RAB4A: variants seen among roughly 807,000 people sequenced by gnomAD.
The protein encoded by RAB4A is RAB4A, member RAS oncogene family.
Under a neutral mutation model 34.5 loss-of-function variants are expected in RAB4A, and 20 were observed. The observed-to-expected ratio is 0.58, with a 90% CI of 0.41 to 0.84. RAB4A has a LOEUF of 0.84. RAB4A is among the 40% of genes least tolerant of loss of function. RAB4A has a pLI of 0.00. For synonymous variants in RAB4A, 102 were observed against 100.0 expected (o/e 1.02, Z -0.12); for missense variants, 228 against 274.5 (o/e 0.83, Z 1.20).
At chr1:229,281,732 A>G (rs572098862) in intron 1 of RAB4A, among the ~76,000 whole-genome samples, 46 of 151,250 alleles carry the variant, frequency 3.0e-4, no homozygotes, top group South Asian at 2.5e-3. Flanking sequence ...TGATTTACCA[A>G]GAGTGCTGTG....
chr1:229,290,523 C>G (rs1226455854), intron 3 of RAB4A, among the ~76,000 whole-genome samples: 1 of 152,150 alleles, frequency 6.6e-6, no homozygotes, highest in Admixed American at 6.5e-5. Flanking sequence ...GTGAAACCCT[C>G]CAAGCCCACC....
At chr1:229,279,460 A>G (rs1656727086) in intron 1 of RAB4A, among the ~76,000 whole-genome samples, 1 of 152,200 alleles carries the variant, frequency 6.6e-6, no homozygotes, top group Non-Finnish European at 1.5e-5. Context: ...CTACTTTAGT[A>G]TATACCTTTG....
chr1:229,297,142 A>G (rs766903401), intron 4 of RAB4A, among the ~76,000 whole-genome samples: 11 of 152,278 alleles, frequency 7.2e-5, no homozygotes, highest in Non-Finnish European at 1.5e-4. Context: ...GCAATTAGCT[A>G]TGAAATCTTG....
rs1558242144 is a variant in RAB4A, at chr1:229,302,274, TATATATATATATATATATATATA to T, written c.542-587_542-565del. Among the ~76,000 whole-genome samples the T allele has an allele frequency of 4.5e-3, 66 of 14,702 alleles. 2 individuals carry two copies. The highest frequency in any genetic ancestry group is 0.016 in the African/African-American group (57 of 3,538). The allele number at this position is 14,702 out of a possible 152,430, so 9.6% of individuals were successfully genotyped here. A position where few individuals can be genotyped will look rare whatever the true frequency, so the allele number is the denominator to read the frequency against. ...GTAAATAATTATATATATATATATATATATATATATATATATATATATATATATATATATATTTTTTTTTTTTT... is the reference window on the plus strand; with the variant it reads ...GTAAATAATTATATATATATATATATTATATATATATATTTTTTTTTTTTT... On this transcript the variant is annotated intron_variant, in intron 6 of 7. Transcript: ENST00000366690.
At chr1:229,280,377 T>C (rs758045423) in intron 1 of RAB4A, among the ~76,000 whole-genome samples, 57 of 152,362 alleles carry the variant, frequency 3.7e-4, no homozygotes, top group Non-Finnish European at 6.6e-4. Flanking sequence ...CTTATAGTTT[T>C]ATCTGCGTTA....
intron 6 of RAB4A, among the ~76,000 whole-genome samples, chr1:229,299,719 A>G (rs1326653325): frequency 6.6e-6 from 1 of 152,244 alleles, no homozygotes; most frequent in African/African-American, 2.4e-5. Context: ...CCTATTTGTC[A>G]GATGCTGGGA....
chr1:229,281,076 C>G (rs1190984396), intron 1 of RAB4A, among the ~76,000 whole-genome samples: 1 of 152,170 alleles, frequency 6.6e-6, no homozygotes, highest in Non-Finnish European at 1.5e-5. Context: ...ACCAATACAA[C>G]TGCCATAAAC....
intron 2 of RAB4A, among the ~76,000 whole-genome samples, chr1:229,288,216 GT>G (rs1205592318): frequency 6.6e-6 from 1 of 152,018 alleles, no homozygotes; most frequent in Non-Finnish European, 1.5e-5. Context: ...TTTGGAGGGT[GT>G]TTTTTCTTTG....
intron 1 of RAB4A, among the ~76,000 whole-genome samples, chr1:229,278,545 A>C (rs2102835619): frequency 6.6e-6 from 1 of 152,282 alleles, no homozygotes. Flanking sequence ...CCTCATCCTT[A>C]ACCCTTTCCA....
In RAB4A at chr1:229,271,130, CGGCCGGACGGAG is replaced by C; in HGVS notation, c.-207_-196del. 1 of 380,560 alleles carries C rather than the reference CGGCCGGACGGAG, an allele frequency of 2.6e-6. No homozygotes were observed. 23.6% of individuals were successfully genotyped at this position (380,560 alleles called of 1,614,324 possible). On this transcript the variant is annotated 5_prime_UTR_variant, in exon 1 of 8. Coordinates refer to ENST00000366690, the MANE Select transcript of RAB4A (RefSeq NM_004578.4). Reference sequence around the variant, plus strand: ...CATCTCCTCTTCCTCCTCGCGGTCGCGGCCGGACGGAGGGTGGAGGGCCCTGCGCCTGCGCGG... The same window carrying C: ...CATCTCCTCTTCCTCCTCGCGGTCGCGGTGGAGGGCCCTGCGCCTGCGCGG...
At chr1:229,291,063 T>C (rs557352832) in intron 3 of RAB4A, among the ~76,000 whole-genome samples, 1 of 152,112 alleles carries the variant, frequency 6.6e-6, no homozygotes, top group Non-Finnish European at 1.5e-5. Context: ...CAGCCACATA[T>C]AAAGTGTGAA....
At chr1:229,297,852 TGTA>T (rs1360184019) in intron 5 of RAB4A, among the ~76,000 whole-genome samples, 3 of 152,238 alleles carry the variant, frequency 2.0e-5, no homozygotes, top group African/African-American at 7.2e-5. Context: ...TAAAAGCAAA[TGTA>T]GTAACATTAT....
intron 5 of RAB4A, among the ~76,000 whole-genome samples, chr1:229,298,767 G>A (rs1226119870): frequency 2.6e-5 from 4 of 152,220 alleles, no homozygotes; most frequent in Non-Finnish European, 5.9e-5. Flanking sequence ...GCACAAGATA[G>A]CAGTTACTTT....
At position 229,297,554 on chromosome 1, in the gene RAB4A, C is replaced by G; in HGVS notation, c.363C>G (p.Ile121Met). 6.2e-7 allele frequency: 1 copy of G among 1,613,250 alleles called. No individual in the cohort carries two copies. The highest frequency in any genetic ancestry group is 8.5e-7 in the Non-Finnish European group (1 of 1,179,932). The change falls in exon 5 of 8, where the codon ATC becomes ATG. Residue 121 changes from isoleucine to methionine, a missense_variant. Physicochemically the swap from Ile to Met is conservative, Grantham distance 10 (BLOSUM62 1). Transcript: ENST00000366690. The stretch of plus-strand genomic sequence containing the variant: ...TGCTAGCGAGCCAGAACATTGTGAT[C>G]ATCCTTTGTGGAAACAAGAAGGACC... ...ARMLASQNIV[I>M]ILCGNKKDLD...
chr1:229,275,356 G>A (rs913460700), intron 1 of RAB4A, among the ~76,000 whole-genome samples: 1 of 152,160 alleles, frequency 6.6e-6, no homozygotes, highest in African/African-American at 2.4e-5. Flanking sequence ...GAGAGGCAAG[G>A]AGGGATCCTT....
chr1:229,278,374 A>G (rs1656701751), intron 1 of RAB4A, among the ~76,000 whole-genome samples: 1 of 152,136 alleles, frequency 6.6e-6, no homozygotes, highest in South Asian at 2.1e-4. Context: ...CCAGCTGGGT[A>G]CTCAGTAATA....
intron 3 of RAB4A, among the ~76,000 whole-genome samples, chr1:229,294,656 A>G (rs1423565452): frequency 6.6e-6 from 1 of 152,188 alleles, no homozygotes; most frequent in Non-Finnish European, 1.5e-5. Context: ...CCTGGCTAAC[A>G]TGGGGAAACC....
At chr1:229,279,948 CACTT>C (rs1571823122) in intron 1 of RAB4A, among the ~76,000 whole-genome samples, 1 of 152,194 alleles carries the variant, frequency 6.6e-6, no homozygotes, top group Non-Finnish European at 1.5e-5. Flanking sequence ...AACCAGTTGA[CACTT>C]AGTTATATAA....
chr1:229,305,277 T>G lies in RAB4A; in HGVS notation c.*1484T>G, dbSNP rs1362666300. ...CTTCTTAGACCTCACTGTAAGAATA[T>G]TTTATTCAATGTCTCATTTATGATA... On this transcript the variant is annotated 3_prime_UTR_variant, in exon 8 of 8. Coordinates refer to ENST00000366690, the MANE Select transcript of RAB4A (RefSeq NM_004578.4). The G allele has an allele frequency of 6.3e-7, 1 of 1,597,966 alleles. No homozygotes were observed. Among genetic ancestry groups the G allele is most frequent in the Non-Finnish European group, 8.5e-7 (1 of 1,174,860 alleles).
Sources: allele counts gnomAD v4.1 joint callset (sites outside exome capture counted in the v4.1 genomes callset), GRCh38; gene constraint gnomAD v4.1.1; transcripts MANE v1.5; gene names NCBI Gene and HGNC (gene_info 2026-07-23, HGNC 2026-07-21).